NFATC3: variants seen among roughly 807,000 people sequenced by gnomAD.
NFATC3 encodes the protein nuclear factor of activated T cells 3.
NFATC3 carries 46 observed loss-of-function variants against 98.6 expected under a neutral mutation model. The ratio of observed to expected loss-of-function variants is 0.47; its 90% confidence interval spans 0.37 to 0.60. NFATC3 has a LOEUF of 0.60. Among genes scored for constraint, NFATC3 ranks in the 20% least tolerant of loss-of-function variants. The pLI, the probability that NFATC3 is intolerant of heterozygous loss-of-function variation, is 0.00. For missense variants in NFATC3, 1,256 were observed against 1,295.5 expected (o/e 0.97, Z 0.47); for synonymous variants, 512 against 472.2 (o/e 1.08, Z -1.09).
intron 1 of NFATC3, among the ~76,000 whole-genome samples, chr16:68,103,026 T>A (rs1276951530): frequency 1.3e-5 from 2 of 152,304 alleles, no homozygotes; most frequent in East Asian, 3.9e-4. Context: ...TGCCTATTCA[T>A]GTGCTTTGTC....
intron 4 of NFATC3, 42 bp downstream of exon 4, chr16:68,158,110 C>T (rs1385442034): frequency 1.5e-6 from 2 of 1,306,314 alleles, no homozygotes; most frequent in East Asian, 2.5e-5. Context: ...CTTTTTTTCT[C>T]TATACTTTCA....
chr16:68,097,032 G>T (rs1251712946), intron 1 of NFATC3, among the ~76,000 whole-genome samples: 1 of 152,160 alleles, frequency 6.6e-6, no homozygotes, highest in Non-Finnish European at 1.5e-5. Flanking sequence ...GGGTAGAGCA[G>T]TGAAGACGAC....
intron 9 of NFATC3, among the ~76,000 whole-genome samples, chr16:68,216,035 C>T (rs553716513): frequency 6.6e-6 from 1 of 152,136 alleles, no homozygotes; most frequent in African/African-American, 2.4e-5. Flanking sequence ...CCCAGATTTA[C>T]ACATATTAAG....
chr16:68,137,695 G>C (rs1467353030), intron 3 of NFATC3, among the ~76,000 whole-genome samples: 2 of 150,272 alleles, frequency 1.3e-5, no homozygotes, highest in Non-Finnish European at 3.0e-5. Flanking sequence ...CTCACTGCAA[G>C]CTCCGCCTCC....
chr16:68,180,503 A>AT (rs921250510), intron 6 of NFATC3, among the ~76,000 whole-genome samples: 37 of 151,644 alleles, frequency 2.4e-4, no homozygotes, highest in Admixed American at 2.0e-3. Context: ...TTTTATTTTT[A>AT]TTTTTTTTAA....
At chr16:68,126,309 T>G (rs1000766892) in intron 2 of NFATC3, 139 bp from the exon 3 acceptor site, 2 of 659,440 alleles carry the variant, frequency 3.0e-6, no homozygotes, top group South Asian at 2.7e-5. Context: ...AATTGTAACT[T>G]ACTAAATGAA....
In NFATC3 at chr16:68,112,519, A is replaced by G. The variant is rs527987533; in HGVS notation, c.104-9468A>G. Among the ~76,000 whole-genome samples, 205 of 148,434 alleles carry G rather than the reference A, an allele frequency of 1.4e-3. 2 individuals carry two copies. Among genetic ancestry groups the G allele is most frequent in the Middle Eastern group, 0.011 (3 of 278 alleles). Reference sequence around the variant, plus strand: ...TCTTGAACTCCTGGTCTCGTGATCCACCCGCCTCGGCCTCCCAAAGTGCTG... The same window carrying G: ...TCTTGAACTCCTGGTCTCGTGATCCGCCCGCCTCGGCCTCCCAAAGTGCTG... On this transcript the variant is annotated intron_variant, in intron 1 of 9. Transcript: ENST00000346183.
At chr16:68,120,047 G>T (rs2036486374) in intron 1 of NFATC3, among the ~76,000 whole-genome samples, 1 of 151,260 alleles carries the variant, frequency 6.6e-6, no homozygotes, top group South Asian at 2.1e-4. Flanking sequence ...GGAGGCTGGG[G>T]CAGTTGGATT....
At chr16:68,106,092 A>C (rs759549481) in intron 1 of NFATC3, among the ~76,000 whole-genome samples, 1 of 150,580 alleles carries the variant, frequency 6.6e-6, no homozygotes, top group Non-Finnish European at 1.5e-5. Flanking sequence ...CTGGTCTTGA[A>C]CTCTTGACCT....
intron 5 of NFATC3, among the ~76,000 whole-genome samples, chr16:68,167,415 C>G (rs1177220876): frequency 6.6e-6 from 1 of 152,164 alleles, no homozygotes; most frequent in Non-Finnish European, 1.5e-5. Context: ...CTTCTGTAAG[C>G]TGATACTTTA....
At chr16:68,085,924 A>T (rs2034344242) in intron 1 of NFATC3, 140 bp downstream of exon 1, 1 of 608,432 alleles carries the variant, frequency 1.6e-6, no homozygotes. Flanking sequence ...GTGGTGAGTT[A>T]AAAACGGATT....
At chr16:68,121,242 C>CTTTTTTTTTTTTT (rs753615194) in intron 1 of NFATC3, among the ~76,000 whole-genome samples, 5 of 102,390 alleles carry the variant, frequency 4.9e-5, no homozygotes, top group Admixed American at 1.0e-4. Context: ...CTTTTCTTTT[C>CTTTTTTTTTTTTT]TTTTTTTTTT....
At chr16:68,104,204 T>A (rs2035521107) in intron 1 of NFATC3, among the ~76,000 whole-genome samples, 1 of 152,238 alleles carries the variant, frequency 6.6e-6, no homozygotes, top group Admixed American at 6.5e-5. Flanking sequence ...TTTAATTTAT[T>A]TCAGCAATGT....
intron 3 of NFATC3, among the ~76,000 whole-genome samples, chr16:68,133,880 T>A (rs1295060774): frequency 6.6e-6 from 1 of 151,976 alleles, no homozygotes; most frequent in East Asian, 1.9e-4. Flanking sequence ...TGTGCCCTTT[T>A]TTTTAAAAAA....
At chr16:68,195,215 A>G (rs1405639483) in intron 9 of NFATC3, among the ~76,000 whole-genome samples, 1 of 152,094 alleles carries the variant, frequency 6.6e-6, no homozygotes, top group Non-Finnish European at 1.5e-5. Context: ...AGATCGCGCC[A>G]TTGTACTCCA....
intron 9 of NFATC3, chr16:68,218,169 C>A: frequency 5.2e-6 from 2 of 385,208 alleles, no homozygotes; most frequent in Non-Finnish European, 7.1e-6. Flanking sequence ...CTCAAGTGAT[C>A]CTCTTGTCTC....
chr16:68,148,036 G>A (rs1370937257), intron 3 of NFATC3, among the ~76,000 whole-genome samples: 2 of 152,106 alleles, frequency 1.3e-5, no homozygotes, highest in Non-Finnish European at 2.9e-5. Flanking sequence ...TAGAGATGGA[G>A]TTTTGCTCTT....
intron 4 of NFATC3, among the ~76,000 whole-genome samples, chr16:68,163,787 C>T (rs1353973141): frequency 1.3e-5 from 2 of 150,798 alleles, no homozygotes; most frequent in African/African-American, 2.4e-5. Context: ...GAGGCGCTCC[C>T]CACATCTCAG....
intron 9 of NFATC3, among the ~76,000 whole-genome samples, chr16:68,194,557 C>CTT (rs35972145): frequency 2.3e-4 from 35 of 152,322 alleles, no homozygotes; most frequent in Non-Finnish European, 3.7e-4. Flanking sequence ...TTGCCTGTTT[C>CTT]TTTTAGCAGT....
Sources: gnomAD v4.1 joint callset for allele counts (sites outside exome capture counted in the v4.1 genomes callset) on GRCh38, gnomAD v4.1.1 for gene constraint, MANE v1.5 for transcripts, NCBI Gene and HGNC (gene_info 2026-07-23, HGNC 2026-07-21) for gene names.